Variants in ITGAM observed in about 807,000 individuals in gnomAD.
ITGAM encodes the protein integrin subunit alpha M.
A neutral mutation model predicts 137.5 loss-of-function variants in ITGAM; 79 were observed. The ratio of observed to expected loss-of-function variants is 0.57; its 90% CI spans 0.48 to 0.69. ITGAM has a LOEUF of 0.69. Among genes scored for constraint, ITGAM ranks in the 30% least tolerant of loss-of-function variants. ITGAM has a pLI of 0.00. For missense variants in ITGAM, 1,343 were observed against 1,483.5 expected (o/e 0.91, Z 1.56); for synonymous variants, 583 against 592.3 (o/e 0.98, Z 0.23).
chr16:31,330,015 T>A, intron 25 of ITGAM, 66 bp from the exon 26 acceptor site: 1 of 1,562,668 alleles, frequency 6.4e-7, no homozygotes. Flanking sequence ...CCAGGCCATC[T>A]CACCTCCCGA....
intron 12 of ITGAM, among the ~76,000 whole-genome samples, chr16:31,287,230 G>A (rs190117571): frequency 2.0e-3 from 297 of 151,976 alleles, no homozygotes; most frequent in Non-Finnish European, 3.1e-3. Flanking sequence ...GTTCTATTCC[G>A]TTGGTCTATG....
chr16:31,332,576 G>A lies in ITGAM; in HGVS notation c.*869G>A, dbSNP rs930462167. 1 of 152,112 alleles carries A rather than the reference G, an allele frequency of 6.6e-6. No homozygotes were observed. The highest frequency in any genetic ancestry group is 2.4e-5 in the African/African-American group (1 of 41,432). The allele number at this position is 152,112 out of a possible 1,614,324, so 9.4% of individuals were successfully genotyped here. On this transcript the variant is annotated 3_prime_UTR_variant, in exon 30 of 30. Coordinates refer to ENST00000544665, the MANE Select transcript of ITGAM (RefSeq NM_000632.4). ...GAGGTTTCCTTCAGACAGATTCCAG[G>A]CGATGTGCAAGTGTATGCACGTGTG...
intron 7 of ITGAM, among the ~76,000 whole-genome samples, chr16:31,272,441 ATATATATATATATATATATATATTTT>A (rs2079853274): frequency 9.0e-5 from 1 of 11,112 alleles, no homozygotes; most frequent in African/African-American, 1.8e-4. Flanking sequence ...ATATATATAT[ATATATATATATATATATATATATTTT>A]TTTTTTTTTT....
rs1180566230 is a variant in ITGAM at position 31,279,308 on chromosome 16, G to A, written c.1356+1199G>A. On this transcript the variant is annotated intron_variant, in intron 12 of 29. Transcript: ENST00000544665. ...TCTAGTTCTAGATCCTTGAGGAATC[G>A]CCACACTGTCTTCCACAATGGTTGA... Among the ~76,000 whole-genome samples the A allele has an allele frequency of 5.3e-5, 8 of 152,232 alleles. No homozygotes were observed. The South Asian group carries it at 1.0e-3, about 20-fold the overall frequency.
intron 14 of ITGAM, among the ~76,000 whole-genome samples, chr16:31,298,204 CAAAAAAA>C (rs61202942): frequency 2.6e-5 from 2 of 77,820 alleles, no homozygotes; most frequent in Non-Finnish European, 5.0e-5. Flanking sequence ...CCCATCTCTC[CAAAAAAA>C]AAAAAAAAAA....
intron 2 of ITGAM, among the ~76,000 whole-genome samples, chr16:31,263,898 T>C (rs1323553252): frequency 6.6e-6 from 1 of 151,084 alleles, no homozygotes; most frequent in Non-Finnish European, 1.5e-5. Flanking sequence ...TGCAGTGGAG[T>C]GATCTCGGCT....
At chr16:31,291,790 G>A (rs989860674) in intron 12 of ITGAM, among the ~76,000 whole-genome samples, 1 of 152,048 alleles carries the variant, frequency 6.6e-6, no homozygotes, top group Non-Finnish European at 1.5e-5. Flanking sequence ...AGACTGGGAA[G>A]GGTAGTAAGG....
intron 12 of ITGAM, among the ~76,000 whole-genome samples, chr16:31,281,800 A>C (rs920055841): frequency 6.6e-6 from 1 of 151,874 alleles, no homozygotes; most frequent in African/African-American, 2.4e-5. Context: ...TAGTTCTTTT[A>C]ATTGTGATTT....
At chr16:31,260,632 T>C (rs1166766315) in intron 1 of ITGAM, among the ~76,000 whole-genome samples, 1 of 152,200 alleles carries the variant, frequency 6.6e-6, no homozygotes, top group Non-Finnish European at 1.5e-5. Context: ...TAAGAATGTA[T>C]AGAAACTTCA....
rs1326433170 is a variant in ITGAM at position 31,302,467 on chromosome 16, CTTTCTTTCTTTCTTTCT to C, written c.1707+4517_1707+4533del. 2.1e-3 allele frequency among the ~76,000 whole-genome samples: 182 copies of C among 86,694 alleles called. 2 individuals are homozygous for C. Among genetic ancestry groups the C allele is most frequent in the African/African-American group, 0.019 (175 of 9,296 alleles). 56.9% of individuals were successfully genotyped at this position (86,694 alleles called of 152,430 possible). A position where few individuals can be genotyped will look rare whatever the true frequency, so the allele number is the denominator to read the frequency against. ...TCTTTCTTTCTTCCTTCCTTTCTTT[CTTTCTTTCTTTCTTTCT>C]TTTTTCTTTCCTTCTTTCTTTCTTT... On this transcript the variant is annotated intron_variant, in intron 14 of 29. Transcript: ENST00000544665.
rs1218330301 is a variant in ITGAM at position 31,325,500 on chromosome 16, A to T, written c.2506A>T (p.Asn836Tyr). ...LSYRKVSTLQ[N>Y]QRSQRSWRLA... ...CGCCTTTGCCTCCCCTGCCTTCCAGAACCAGCGCTCACAGCGATCCTGGCG... is the reference window on the plus strand; with the variant it reads ...CGCCTTTGCCTCCCCTGCCTTCCAGTACCAGCGCTCACAGCGATCCTGGCG... The change falls in exon 21 of 30, where the codon AAC becomes TAC. Residue 836 changes from asparagine to tyrosine, a missense_variant and splice_region_variant. Coordinates refer to ENST00000544665, the MANE Select transcript of ITGAM (RefSeq NM_000632.4). The T allele has an allele frequency of 1.2e-6, 2 of 1,613,922 alleles. No homozygotes were observed. The highest frequency in any genetic ancestry group is 1.7e-6 in the Non-Finnish European group (2 of 1,179,878).
chr16:31,331,900 TGC>T lies in ITGAM; in HGVS notation c.*195_*196del. ...CTGTGTGCAAGTGTGTGCACATGTG[TGC>T]GTGTGCGTGCATGTGCACTTGCACG... is the stretch of plus-strand genomic sequence containing the variant. On this transcript the variant is annotated 3_prime_UTR_variant, in exon 30 of 30. Coordinates refer to ENST00000544665, the MANE Select transcript of ITGAM (RefSeq NM_000632.4). 1 of 571,858 alleles carries T rather than the reference TGC, an allele frequency of 1.7e-6. No homozygotes were observed. Among genetic ancestry groups the T allele is most frequent in the East Asian group, 3.1e-5 (1 of 32,596 alleles). 35.4% of individuals were successfully genotyped at this position (571,858 alleles called of 1,614,324 possible).
intron 12 of ITGAM, among the ~76,000 whole-genome samples, chr16:31,296,325 T>C (rs1463234883): frequency 2.6e-5 from 4 of 151,298 alleles, no homozygotes; most frequent in African/African-American, 9.7e-5. Context: ...GATTTCCAGG[T>C]TGGTCTCGAA....
chr16:31,329,032 G>A (rs962100867), intron 23 of ITGAM, 196 bp from the exon 24 acceptor site: 5 of 638,092 alleles, frequency 7.8e-6, no homozygotes, highest in African/African-American at 7.3e-5. Context: ...GTGTGTGAGT[G>A]GCCCAAATGG....
In ITGAM at chr16:31,261,708, T is replaced by C. The variant is rs776956103; in HGVS notation, c.45T>C (p.His15=). The C allele has an allele frequency of 6.2e-7, 1 of 1,611,494 alleles. No homozygotes were observed. Among genetic ancestry groups the C allele is most frequent in the South Asian group, 1.1e-5 (1 of 90,688 alleles). Residue 15 remains histidine, a synonymous_variant, in exon 2 of 30, where the codon CAT becomes CAC. Transcript: ENST00000544665. The part of the protein sequence containing the change: ...VLLLTALTLC[H]GFNLDTENAM... ...TCCCTTTAGCCTTGACCTTATGTCA[T>C]GGGTTCAACTTGGACACTGAAAACG...
In ITGAM at chr16:31,265,860, C is replaced by G. The variant is rs776622383; in HGVS notation, c.288C>G (p.Thr96=). The G allele has an allele frequency of 6.2e-7, 1 of 1,613,892 alleles. No individual in the cohort carries two copies. Among genetic ancestry groups the G allele is most frequent in the Admixed American group, 1.7e-5 (1 of 60,006 alleles). ...NMSLGLSLAA[T]TSPPQLLACG... Reference sequence around the variant, plus strand: ...CCCTGGGCCTGTCCCTGGCAGCCACCACCAGCCCCCCTCAGCTGCTGGTGA... The same window carrying G: ...CCCTGGGCCTGTCCCTGGCAGCCACGACCAGCCCCCCTCAGCTGCTGGTGA... Residue 96 remains threonine, a synonymous_variant, in exon 4 of 30, where the codon ACC becomes ACG. Transcript: ENST00000544665.
intron 14 of ITGAM, among the ~76,000 whole-genome samples, chr16:31,310,305 C>T (rs1461558898): frequency 6.6e-6 from 1 of 152,114 alleles, no homozygotes; most frequent in Non-Finnish European, 1.5e-5. Context: ...AACTTGATTC[C>T]ATTCTCCCCG....
At position 31,324,619 on chromosome 16, in the gene ITGAM, G is replaced by A. The variant is rs1567279921; in HGVS notation, c.2158-32G>A. 6.2e-7 allele frequency: 1 copy of A among 1,607,996 alleles called. No individual in the cohort carries two copies. Among genetic ancestry groups the A allele is most frequent in the South Asian group, 1.1e-5 (1 of 90,558 alleles). On this transcript the variant is annotated intron_variant, in intron 17 of 29. Transcript: ENST00000544665. This position sits in a 1 kb window ranked among gnomAD's most constrained non-coding sequence, Gnocchi z 4.5. ...TGGAGTGGGCTTGGGGAGCTGAGGA[G>A]GGCAGATCCCCAAATCCCGGCTATC...
chr16:31,324,525 C>T lies in ITGAM; in HGVS notation c.2129C>T (p.Thr710Ile), dbSNP rs1342866388. 2 of 1,608,538 alleles carry T rather than the reference C, an allele frequency of 1.2e-6. No homozygotes were observed. Among genetic ancestry groups the T allele is most frequent in the Non-Finnish European group, 1.7e-6 (2 of 1,177,512 alleles). Reference protein sequence around the residue: ...RQTQVLGLTQTCETLKLQLPN... With the variant: ...RQTQVLGLTQICETLKLQLPN... Reference sequence around the variant, plus strand: ...ACACAGGTCTTGGGGCTGACCCAGACTTGTGAGACCCTGAAACTACAGTTG... The same window carrying T: ...ACACAGGTCTTGGGGCTGACCCAGATTTGTGAGACCCTGAAACTACAGTTG... The change falls in exon 17 of 30, where the codon ACT (threonine) becomes ATT (isoleucine). Residue 710 changes from threonine to isoleucine, a missense_variant. By Grantham distance (89) the Thr-to-Ile change is moderately conservative. Transcript: ENST00000544665. This position sits in a 1 kb window ranked among gnomAD's most constrained non-coding sequence, Gnocchi z 4.5.
Sources: allele counts gnomAD v4.1 joint callset (sites outside exome capture counted in the v4.1 genomes callset), GRCh38; gene constraint gnomAD v4.1.1; non-coding constraint Gnocchi (gnomAD v3.1); transcripts MANE v1.5; gene names NCBI Gene and HGNC (gene_info 2026-07-23, HGNC 2026-07-21).